The following SMURF2 variants were observed in gnomAD, a reference collection of about 807,000 sequenced individuals.
SMURF2 encodes SMAD specific E3 ubiquitin protein ligase 2.
Under a neutral mutation model 109.6 loss-of-function variants are expected in SMURF2, and 48 were observed. The ratio of observed to expected loss-of-function variants is 0.44; its 90% CI spans 0.35 to 0.56. The LOEUF (loss-of-function observed/expected upper bound fraction) is 0.56, where lower values mean the gene tolerates loss of function less well. SMURF2 is among the 20% of genes least tolerant of loss of function. SMURF2 has a pLI of 0.01. For synonymous variants in SMURF2, 288 were observed against 317.1 expected, an observed-to-expected ratio of 0.91 and a Z score of 0.97; for missense variants, 575 against 909.0, an observed-to-expected ratio of 0.63 and a Z score of 4.72.
In SMURF2 at chr17:64,543,567, CCCAG is replaced by C. The variant is rs1968904994; in HGVS notation, c.*2277_*2280del. Reference sequence around the variant, plus strand: ...GGGATTACAGGTGTGAGCCACCATGCCCAGCCAATTTCTTTCTTTTAAAGCTCTA... The same window carrying C: ...GGGATTACAGGTGTGAGCCACCATGCCCAATTTCTTTCTTTTAAAGCTCTA... On this transcript the variant is annotated 3_prime_UTR_variant, in exon 19 of 19. Transcript: ENST00000262435. 6.6e-6 allele frequency: 1 copy of C among 152,148 alleles called. No individual in the cohort carries two copies. The highest frequency in any genetic ancestry group is 1.5e-5 in the Non-Finnish European group (1 of 68,040). The allele number at this position is 152,148 out of a possible 1,614,324, so 9.4% of individuals were successfully genotyped here.
At position 64,556,012 on chromosome 17, in the gene SMURF2, C is replaced by T. The variant is rs1555684010; in HGVS notation, c.1432-14G>A. ...GGATAAATGTTCCTGAAATTGAAAA[C>T]AGTATATATACTCGTTAGGCACTAC... On this transcript the variant is annotated splice_polypyrimidine_tract_variant and intron_variant, in intron 13 of 18. Transcript: ENST00000262435. 1.3e-6 allele frequency: 2 copies of T among 1,599,244 alleles called. No homozygotes were observed. Among genetic ancestry groups the T allele is most frequent in the Non-Finnish European group, 1.7e-6 (2 of 1,169,726 alleles).
chr17:64,594,374 A>T (rs1555687916), intron 3 of SMURF2, among the ~76,000 whole-genome samples: 1 of 152,204 alleles, frequency 6.6e-6, no homozygotes. Context: ...TAAACCATTT[A>T]AGTAAGGACT....
intron 1 of SMURF2, among the ~76,000 whole-genome samples, chr17:64,636,464 G>A (rs1325102823): frequency 6.6e-6 from 1 of 152,024 alleles, no homozygotes; most frequent in African/African-American, 2.4e-5. Context: ...TTAGCTGGAC[G>A]TGGTGGCACA....
At chr17:64,604,180 G>A (rs1244991483) in intron 2 of SMURF2, among the ~76,000 whole-genome samples, 1 of 152,120 alleles carries the variant, frequency 6.6e-6, no homozygotes, top group Non-Finnish European at 1.5e-5. Flanking sequence ...GTGAACCTGG[G>A]AGGTAACTTC....
chr17:64,598,006 A>C (rs1490142417), intron 3 of SMURF2, among the ~76,000 whole-genome samples: 1 of 152,150 alleles, frequency 6.6e-6, no homozygotes. Context: ...ATGGTTTAAA[A>C]TAAAATTTAA....
At chr17:64,548,397 T>C (rs1161851765) in intron 16 of SMURF2, among the ~76,000 whole-genome samples, 1 of 152,156 alleles carries the variant, frequency 6.6e-6, no homozygotes, top group Non-Finnish European at 1.5e-5. Context: ...TTAATAATTT[T>C]TTTTTTTTAA....
chr17:64,566,575 T>TTTTTTTTG (rs1969311803), intron 10 of SMURF2, among the ~76,000 whole-genome samples: 1 of 103,264 alleles, frequency 9.7e-6, no homozygotes, highest in African/African-American at 3.5e-5. Context: ...TTTTTTTTTT[T>TTTTTTTTG]TTTTTTTTTT....
intron 1 of SMURF2, among the ~76,000 whole-genome samples, chr17:64,647,369 C>T (rs1555693055): frequency 6.6e-6 from 1 of 152,104 alleles, no homozygotes; most frequent in Admixed American, 6.6e-5. Flanking sequence ...TTTGGTACAT[C>T]TATCCTCATT....
chr17:64,551,298 A>G (rs1969041526), intron 16 of SMURF2, among the ~76,000 whole-genome samples: 1 of 152,038 alleles, frequency 6.6e-6, no homozygotes, highest in African/African-American at 2.4e-5. Context: ...TCAAGGCTGC[A>G]GTGAGCCATG....
At chr17:64,603,441 G>A (rs1434189393) in intron 2 of SMURF2, among the ~76,000 whole-genome samples, 2 of 152,040 alleles carry the variant, frequency 1.3e-5, no homozygotes. Flanking sequence ...AATTAGCTGG[G>A]TGTGGTGGCA....
At chr17:64,552,839 G>C (rs1009272275) in intron 15 of SMURF2, among the ~76,000 whole-genome samples, 2 of 152,118 alleles carry the variant, frequency 1.3e-5, no homozygotes, top group Non-Finnish European at 2.9e-5. Flanking sequence ...AAGTAGCTGG[G>C]ATTACAGGTG....
At chr17:64,567,853 CTTT>C (rs1173742917) in intron 10 of SMURF2, among the ~76,000 whole-genome samples, 109 of 112,176 alleles carry the variant, frequency 9.7e-4, no homozygotes, top group African/African-American at 3.5e-3. Flanking sequence ...CCACACCTGG[CTTT>C]TTTTTTTTTT....
intron 9 of SMURF2, chr17:64,572,720 C>A (rs1274080615): frequency 2.0e-5 from 3 of 152,276 alleles, no homozygotes; most frequent in Non-Finnish European, 2.9e-5. Flanking sequence ...CGGTGGCCTG[C>A]CCAGAGAGGG....
At chr17:64,570,670 A>G (rs548625994) in intron 10 of SMURF2, among the ~76,000 whole-genome samples, 1 of 152,348 alleles carries the variant, frequency 6.6e-6, no homozygotes, top group South Asian at 2.1e-4. Flanking sequence ...CACCACTGGC[A>G]ACGTATGGAA....
intron 5 of SMURF2, among the ~76,000 whole-genome samples, chr17:64,586,519 C>T (rs1324738913): frequency 2.6e-5 from 4 of 151,610 alleles, no homozygotes; most frequent in African/African-American, 7.3e-5. Context: ...GAGGCCGAGG[C>T]GGGCAGATCA....
At chr17:64,566,561 G>GTTTTTTTTTTTTTTGTT (rs1969307041) in intron 10 of SMURF2, among the ~76,000 whole-genome samples, 1 of 43,784 alleles carries the variant, frequency 2.3e-5, no homozygotes, top group Non-Finnish European at 4.2e-5. Flanking sequence ...AAGCTTTCTG[G>GTTTTTTTTTTTTTTGTT]TTTTTTTTTT....
At chr17:64,631,346 G>A (rs1487489293) in intron 1 of SMURF2, among the ~76,000 whole-genome samples, 2 of 141,962 alleles carry the variant, frequency 1.4e-5, no homozygotes, top group Non-Finnish European at 3.0e-5. Context: ...GAGAGACAGA[G>A]AGATGAAAAC....
At chr17:64,597,169 G>A (rs1490471542) in intron 3 of SMURF2, among the ~76,000 whole-genome samples, 1 of 152,140 alleles carries the variant, frequency 6.6e-6, no homozygotes, top group African/African-American at 2.4e-5. Context: ...ACTTTGGGAG[G>A]CCAAGGAGGG....
intron 1 of SMURF2, among the ~76,000 whole-genome samples, chr17:64,628,339 G>C (rs1280988235): frequency 1.3e-5 from 2 of 152,216 alleles, no homozygotes; most frequent in East Asian, 3.9e-4. Context: ...CTAGACTACT[G>C]GGTCTGCCTC....
Sources: allele counts gnomAD v4.1 joint callset (sites outside exome capture counted in the v4.1 genomes callset), GRCh38; gene constraint gnomAD v4.1.1; transcripts MANE v1.5; gene names NCBI Gene and HGNC (gene_info 2026-07-23, HGNC 2026-07-21).